The following CHTF18 variants were observed in gnomAD, a reference collection of about 807,000 sequenced individuals.
The protein encoded by CHTF18 is chromosome transmission fidelity factor 18.
A neutral mutation model predicts 113.4 loss-of-function variants in CHTF18; 151 were observed. The observed-to-expected ratio is 1.33, with a 90% CI of 1.17 to 1.52. The LOEUF is 1.52. CHTF18 is among the 40% of genes most tolerant of loss of function. The pLI is 0.00. For missense variants in CHTF18, 1,982 were observed against 1,381.6 expected, an observed-to-expected ratio of 1.43 and a Z score of -6.89; for synonymous variants, 916 against 598.8, an observed-to-expected ratio of 1.53 and a Z score of -7.74.
chr16:790,726 C>G (rs772339090), intron 7 of CHTF18, 60 bp downstream of exon 7: 4 of 1,469,390 alleles, frequency 2.7e-6, no homozygotes, highest in Non-Finnish European at 3.6e-6. Flanking sequence ...ATGGAAGAAC[C>G]TGGGCCCAGT....
chr16:790,996 C>A, intron 7 of CHTF18, 165 bp from the exon 8 acceptor site: 1 of 1,457,510 alleles, frequency 6.9e-7, no homozygotes. Flanking sequence ...GGGGGTGGAG[C>A]CCCTGGTGTG....
At chr16:796,694 T>G (rs1482282139) in intron 18 of CHTF18, 23 bp from the exon 19 acceptor site, 1 of 1,574,614 alleles carries the variant, frequency 6.4e-7, no homozygotes, top group Non-Finnish European at 8.6e-7. Context: ...TGACCTGCCC[T>G]GGTGTCCCCC....
Position 798,001 on chromosome 16 carries a change from G to T in CHTF18, c.*26G>T, listed in dbSNP as rs1309387077. ...TTCTCTGAGCCGCGGACATGCCCTC[G>T]CATTGCTTCCCGCAGAGTGCAGAGA... is the stretch of plus-strand genomic sequence containing the variant. On this transcript the variant is annotated 3_prime_UTR_variant, in exon 22 of 22. Transcript: ENST00000262315. The T allele has an allele frequency of 5.0e-6, 8 of 1,598,186 alleles. No homozygotes were observed. The highest frequency in any genetic ancestry group is 4.3e-6 in the Non-Finnish European group (5 of 1,171,426).
rs2042120161 is a variant in CHTF18, at chr16:789,721, T to G, written c.606+6T>G. ...CCATGGCCCCGGGGGTGCAGGTGCG[T>G]GGCTGTGGCCTTCCTGCACGGTGGG... is the stretch of plus-strand genomic sequence containing the variant. On this transcript the variant is annotated splice_donor_region_variant and intron_variant, in intron 4 of 21. Coordinates refer to ENST00000262315, the MANE Select transcript of CHTF18 (RefSeq NM_022092.3). 6.3e-7 allele frequency: 1 copy of G among 1,578,544 alleles called. No homozygotes were observed. Among genetic ancestry groups the G allele is most frequent in the Admixed American group, 1.7e-5 (1 of 58,250 alleles).
rs758318647 is a variant in CHTF18, at chr16:789,591, C to G, written c.482C>G (p.Pro161Arg). 3.7e-6 allele frequency: 6 copies of G among 1,606,792 alleles called. No homozygotes were observed. Among genetic ancestry groups the G allele is most frequent in the Non-Finnish European group, 5.1e-6 (6 of 1,178,626 alleles). ...AADVGLTRAS[P>R]AARNPVLRRP... ...GACGTGGGTCTCACACGGGCCTCAC[C>G]AGCTGCCCGCAATCCCGTCCTGAGG... is the stretch of plus-strand genomic sequence containing the variant. The change falls in exon 4 of 22, where the codon CCA becomes CGA. Residue 161 changes from proline to arginine, a missense_variant. Coordinates refer to ENST00000262315, the MANE Select transcript of CHTF18 (RefSeq NM_022092.3).
chr16:795,780 G>C lies in CHTF18; in HGVS notation c.2271G>C (p.Leu757=), dbSNP rs768645354. 5.6e-6 allele frequency: 9 copies of C among 1,609,772 alleles called. No individual in the cohort carries two copies. Among genetic ancestry groups the C allele is most frequent in the Non-Finnish European group, 5.9e-6 (7 of 1,178,992 alleles). ...ATRSRATPQA[L]LLDALCLLLD... ...GCAGCCGGGCCACGCCCCAGGCCCT[G>C]CTCCTCGATGCCCTCTGCCTGCTCC... Residue 757 remains leucine (L), a synonymous_variant, in exon 17 of 22, where the codon CTG becomes CTC. Coordinates refer to ENST00000262315, the MANE Select transcript of CHTF18 (RefSeq NM_022092.3).
At chr16:794,269 C>T (rs2042278969) in intron 15 of CHTF18, 68 bp downstream of exon 15, 1 of 1,555,426 alleles carries the variant, frequency 6.4e-7, no homozygotes, top group Non-Finnish European at 8.8e-7. Context: ...GCCCCTGCCC[C>T]TGCCGGTCCT....
chr16:790,499 G>A, intron 6 of CHTF18, 26 bp from the exon 7 acceptor site: 1 of 1,605,344 alleles, frequency 6.2e-7, no homozygotes, highest in Admixed American at 1.7e-5. Context: ...CGAGTTGTTT[G>A]TGGCTCAGGA....
chr16:791,481 G>A (rs1185692289), intron 8 of CHTF18, 111 bp downstream of exon 8: 1 of 1,451,010 alleles, frequency 6.9e-7, no homozygotes, highest in African/African-American at 1.4e-5. Flanking sequence ...GGTGACGTGT[G>A]GGTCTTGGCG....
chr16:797,932 C>T lies in CHTF18; in HGVS notation c.2885C>T (p.Ser962Phe), dbSNP rs1326806258. ...TGGTTCCGCTTCAACGAGGGTGTCT[C>T]CAACGCCGTGCGGCGCAGCCTGTAC... The part of the protein sequence containing the change: ...EVWFRFNEGV[S>F]NAVRRSLYIR... Residue 962 changes from serine (S) to phenylalanine (F), a missense_variant, in exon 22 of 22, where the codon TCC becomes TTC. Ser to Phe is a radical substitution (Grantham distance 155). Coordinates refer to ENST00000262315, the MANE Select transcript of CHTF18 (RefSeq NM_022092.3). 1.2e-6 allele frequency: 2 copies of T among 1,612,402 alleles called. No homozygotes were observed. The highest frequency in any genetic ancestry group is 1.7e-6 in the Non-Finnish European group (2 of 1,179,780).
At position 795,170 on chromosome 16, in the gene CHTF18, C is replaced by T. The variant is rs1161700982; in HGVS notation, c.1989C>T (p.Asp663=). 4 of 1,556,804 alleles carry T rather than the reference C, an allele frequency of 2.6e-6. No individual in the cohort carries two copies. The highest frequency in any genetic ancestry group is 8.7e-7 in the Non-Finnish European group (1 of 1,150,570). ...ACTTCCTGCGTCTGCGGCTGCGAGA[C>T]TCCAGCCTGGGTGCTGTGTGTGTGG... ...FDNFLRLRLR[D]SSLGAVCVAL... The change falls in exon 16 of 22, where the codon GAC becomes GAT. Residue 663 remains aspartate, a synonymous_variant. Coordinates refer to ENST00000262315, the MANE Select transcript of CHTF18 (RefSeq NM_022092.3).
rs889348653 is a variant in CHTF18, at chr16:797,181, C to T, written c.2733+89C>T. 1.1e-5 allele frequency: 15 copies of T among 1,396,652 alleles called. No homozygotes were observed. In the African/African-American group the frequency reaches 1.8e-4, roughly 16 times the overall value. 86.5% of individuals were successfully genotyped at this position (1,396,652 alleles called of 1,614,324 possible). On this transcript the variant is annotated intron_variant, in intron 20 of 21. Coordinates refer to ENST00000262315, the MANE Select transcript of CHTF18 (RefSeq NM_022092.3). Reference sequence around the variant, plus strand: ...AGTCATGAGGCGGGGCCAAGGCACCCATGGGGTGGGGCCAGGGTACCTTTG... The same window carrying T: ...AGTCATGAGGCGGGGCCAAGGCACCTATGGGGTGGGGCCAGGGTACCTTTG...
Position 792,599 on chromosome 16 carries a change from A to C in CHTF18, c.1478+9A>C. The C allele has an allele frequency of 6.3e-7, 1 of 1,594,924 alleles. No homozygotes were observed. Among genetic ancestry groups the C allele is most frequent in the Non-Finnish European group, 8.5e-7 (1 of 1,172,774 alleles). On this transcript the variant is annotated intron_variant, in intron 11 of 21. Coordinates refer to ENST00000262315, the MANE Select transcript of CHTF18 (RefSeq NM_022092.3). ...TGCATTTGCAATGACCAGTGAGTGC[A>C]TGGGCGGGCGCCACAGTCAGGAGAG...
At chr16:794,993 A>T in intron 15 of CHTF18, 139 bp from the exon 16 acceptor site, 2 of 659,704 alleles carry the variant, frequency 3.0e-6, no homozygotes, top group Non-Finnish European at 5.1e-6. Flanking sequence ...CGTCGTGGGG[A>T]CCCTTGTGGA....
At chr16:790,303 G>A (rs775448687) in intron 5 of CHTF18, 34 bp downstream of exon 5, 50 of 1,609,612 alleles carry the variant, frequency 3.1e-5, no homozygotes, top group Non-Finnish European at 3.7e-5. Flanking sequence ...GGGCGGTGGC[G>A]GGGCCGCCTG....
intron 14 of CHTF18, 142 bp downstream of exon 14, chr16:793,416 C>A: frequency 9.1e-7 from 1 of 1,093,648 alleles, no homozygotes; most frequent in Non-Finnish European, 1.3e-6. Flanking sequence ...CCTCCAGGGC[C>A]CTCCTCAGCC....
chr16:796,397 G>A (rs1397145026), intron 18 of CHTF18, among the ~76,000 whole-genome samples: 1 of 152,218 alleles, frequency 6.6e-6, no homozygotes, highest in Non-Finnish European at 1.5e-5. Flanking sequence ...TGGGGGTGGT[G>A]GGGGTGAGGC....
In CHTF18 at chr16:788,768, G is replaced by A. The variant is rs1275236456; in HGVS notation, c.84G>A (p.Glu28=). The part of the protein sequence containing the change: ...QFAAELEVLA[E]LEGASTPSPS... ...CGGCCGAGCTGGAGGTGCTGGCAGAGCTGGAAGGTGGGGCGCGGCCCCCGG... is the reference window on the plus strand; with the variant it reads ...CGGCCGAGCTGGAGGTGCTGGCAGAACTGGAAGGTGGGGCGCGGCCCCCGG... The change falls in exon 1 of 22, where the codon GAG becomes GAA. Residue 28 remains glutamate (E), a synonymous_variant. Transcript: ENST00000262315. The A allele has an allele frequency of 2.5e-6, 4 of 1,596,778 alleles. No individual in the cohort carries two copies. The highest frequency in any genetic ancestry group is 1.3e-5 in the African/African-American group (1 of 74,244).
At chr16:789,913 G>A (rs1010051312) in intron 4 of CHTF18, 198 bp downstream of exon 4, 2 of 1,460,014 alleles carry the variant, frequency 1.4e-6, no homozygotes, top group Non-Finnish European at 1.8e-6. Flanking sequence ...CAGCCTGTTT[G>A]TATGGCCTCG....
Sources: allele counts gnomAD v4.1 joint callset (sites outside exome capture counted in the v4.1 genomes callset), GRCh38; gene constraint gnomAD v4.1.1; transcripts MANE v1.5; gene names NCBI Gene and HGNC (gene_info 2026-07-23, HGNC 2026-07-21).